Variants in CDON observed in about 807,000 individuals in gnomAD.
CDON encodes cell adhesion associated, oncogene regulated.
A neutral mutation model predicts 120.9 loss-of-function variants in CDON; 73 were observed. That is an observed-to-expected ratio of 0.60 (90% CI 0.50 to 0.73). The LOEUF is 0.73. CDON is among the 30% of genes least tolerant of loss of function. The probability of loss-of-function intolerance (pLI) is 0.00; values close to 1 mark genes in which losing one functional copy is unlikely to be tolerated. For synonymous variants in CDON, 566 were observed against 573.5 expected, an observed-to-expected ratio of 0.99 and a Z score of 0.19; for missense variants, 1,470 against 1,587.3, an observed-to-expected ratio of 0.93 and a Z score of 1.26.
intron 14 of CDON, 94 bp downstream of exon 14, chr11:125,994,190 G>T: frequency 1.3e-6 from 1 of 756,834 alleles, no homozygotes; most frequent in Non-Finnish European, 2.4e-6. Flanking sequence ...ATTCCATTTT[G>T]TACTGTCTTA....
intron 9 of CDON, 156 bp downstream of exon 9, chr11:126,005,602 TA>T: frequency 1.4e-6 from 1 of 708,728 alleles, no homozygotes; most frequent in Non-Finnish European, 2.4e-6. Flanking sequence ...CTAGGATTGG[TA>T]AATCCAGCAT....
At chr11:126,036,593 C>T (rs558971477) in intron 1 of CDON, among the ~76,000 whole-genome samples, 39 of 152,322 alleles carry the variant, frequency 2.6e-4, no homozygotes, top group Middle Eastern at 3.4e-3. Flanking sequence ...CCCTTGTAGG[C>T]CTCACTCTTC....
In CDON at chr11:126,015,717, T is replaced by C. The variant is rs550824579; in HGVS notation, c.929-207A>G. Among the ~76,000 whole-genome samples, 214 of 152,256 alleles carry C rather than the reference T, an allele frequency of 1.4e-3. 1 individual carries two copies. Among genetic ancestry groups the C allele is most frequent in the African/African-American group, 4.6e-3 (190 of 41,546 alleles). ...TAAACCATATGTTGCTAATAAGATA[T>C]AGTCTCCTTTCATAGATTACACCAC... On this transcript the variant is annotated intron_variant, in intron 6 of 19. Coordinates refer to ENST00000531738, the MANE Select transcript of CDON (RefSeq NM_001378964.1).
chr11:125,987,127 T>C (rs1946490230), intron 15 of CDON, among the ~76,000 whole-genome samples: 1 of 152,220 alleles, frequency 6.6e-6, no homozygotes, highest in South Asian at 2.1e-4. Flanking sequence ...CTTAATTCAT[T>C]TGTAATTCTA....
chr11:125,970,321 C>T (rs924785151), intron 18 of CDON, among the ~76,000 whole-genome samples: 8 of 151,752 alleles, frequency 5.3e-5, no homozygotes, highest in Admixed American at 1.3e-4. Context: ...ATTACAGGCG[C>T]GCGCCACCAC....
chr11:126,001,334 T>A (rs1263780053), intron 11 of CDON, among the ~76,000 whole-genome samples: 5 of 151,942 alleles, frequency 3.3e-5, no homozygotes, highest in Admixed American at 3.3e-4. Context: ...ACTACAGGTG[T>A]GTGCCACCAC....
At chr11:126,019,195 C>T (rs919700701) in intron 4 of CDON, among the ~76,000 whole-genome samples, 4 of 152,078 alleles carry the variant, frequency 2.6e-5, no homozygotes, top group African/African-American at 9.7e-5. Context: ...AAAGAGCAGA[C>T]AAAAACCCTG....
intron 3 of CDON, among the ~76,000 whole-genome samples, chr11:126,020,237 T>C (rs1947594742): frequency 6.6e-6 from 1 of 152,116 alleles, no homozygotes; most frequent in Non-Finnish European, 1.5e-5. Flanking sequence ...ATAAATCCTT[T>C]TCAATCCAGT....
intron 1 of CDON, among the ~76,000 whole-genome samples, chr11:126,040,392 A>C (rs572600986): frequency 1.3e-5 from 2 of 152,360 alleles, no homozygotes; most frequent in African/African-American, 4.8e-5. Flanking sequence ...AATTGTGATA[A>C]ATGAAAGAAC....
At chr11:126,044,154 C>T (rs548900685) in intron 1 of CDON, among the ~76,000 whole-genome samples, 1 of 152,296 alleles carries the variant, frequency 6.6e-6, no homozygotes, top group East Asian at 1.9e-4. Flanking sequence ...AACGACCTTA[C>T]ACAAAGCAGG....
At chr11:126,010,184 A>G (rs1947249413) in intron 8 of CDON, among the ~76,000 whole-genome samples, 157 bp downstream of exon 8, 1 of 152,266 alleles carries the variant, frequency 6.6e-6, no homozygotes, top group African/African-American at 2.4e-5. Context: ...ATTCACATAA[A>G]GTGAAATACC....
At chr11:125,997,581 T>C (rs925151223) in intron 11 of CDON, among the ~76,000 whole-genome samples, 171 bp from the exon 12 acceptor site, 2 of 152,162 alleles carry the variant, frequency 1.3e-5, no homozygotes, top group Non-Finnish European at 1.5e-5. Context: ...GAAAATCTAA[T>C]GGGAATACAG....
chr11:126,054,007 T>C (rs1948629326), intron 1 of CDON, among the ~76,000 whole-genome samples: 1 of 152,224 alleles, frequency 6.6e-6, no homozygotes, highest in African/African-American at 2.4e-5. Context: ...AATAAGAGAC[T>C]GCCAAGTTCT....
At chr11:126,018,261 A>G in intron 5 of CDON, 69 bp downstream of exon 5, 1 of 1,471,510 alleles carries the variant, frequency 6.8e-7, no homozygotes, top group Non-Finnish European at 9.5e-7. Context: ...AAAAAAATGA[A>G]CTATCATTGC....
intron 15 of CDON, among the ~76,000 whole-genome samples, chr11:125,986,504 G>A (rs763701338): frequency 2.0e-5 from 3 of 152,178 alleles, no homozygotes; most frequent in African/African-American, 2.4e-5. Flanking sequence ...AGTGGCTCAC[G>A]CCTGTAGTCC....
chr11:126,004,350 T>G (rs1188375097), intron 9 of CDON: 2 of 461,522 alleles, frequency 4.3e-6, no homozygotes, highest in Admixed American at 7.0e-5. Flanking sequence ...TCCCAGACTC[T>G]GTTTCCTTTA....
At chr11:125,986,843 C>T (rs1368163580) in intron 15 of CDON, among the ~76,000 whole-genome samples, 1 of 151,322 alleles carries the variant, frequency 6.6e-6, no homozygotes. Flanking sequence ...CAAAACAGAG[C>T]TGGGAATGAG....
chr11:126,010,722 A>G (rs761814504), intron 7 of CDON, 28 bp from the exon 8 acceptor site: 17 of 1,579,736 alleles, frequency 1.1e-5, no homozygotes, highest in Admixed American at 1.7e-5. Context: ...CACATATGAA[A>G]AATGAAGAAC....
At chr11:125,992,217 GC>G (rs1946648662) in intron 14 of CDON, among the ~76,000 whole-genome samples, 2 of 152,034 alleles carry the variant, frequency 1.3e-5, no homozygotes, top group Non-Finnish European at 2.9e-5. Flanking sequence ...ACCTAGACAG[GC>G]CCCAAATGGA....
Sources: allele counts gnomAD v4.1 joint callset (sites outside exome capture counted in the v4.1 genomes callset), GRCh38; gene constraint gnomAD v4.1.1; transcripts MANE v1.5; gene names NCBI Gene and HGNC (gene_info 2026-07-23, HGNC 2026-07-21).